FRMD4A: variants seen among roughly 807,000 people sequenced by gnomAD.
FRMD4A encodes the protein FERM domain containing 4A.
FRMD4A carries 29 observed loss-of-function variants against 129.1 expected under a neutral mutation model. The ratio of observed to expected loss-of-function variants is 0.22; its 90% CI spans 0.17 to 0.31. The LOEUF (loss-of-function observed/expected upper bound fraction) is 0.31, where lower values mean the gene tolerates loss of function less well. Among genes scored for constraint, FRMD4A ranks in the 10% least tolerant of loss-of-function variants. The probability of loss-of-function intolerance (pLI) is 1.00; values close to 1 mark genes in which losing one functional copy is unlikely to be tolerated. For synonymous variants in FRMD4A, 634 were observed against 571.6 expected, an observed-to-expected ratio of 1.11 and a Z score of -1.56; for missense variants, 1,272 against 1,375.8, an observed-to-expected ratio of 0.92 and a Z score of 1.19.
At chr10:13,855,451 T>G (rs1476095743) in intron 3 of FRMD4A, among the ~76,000 whole-genome samples, 1 of 152,154 alleles carries the variant, frequency 6.6e-6, no homozygotes, top group East Asian at 1.9e-4. Flanking sequence ...TCAGCCACCC[T>G]CATGCACACC....
intron 2 of FRMD4A, among the ~76,000 whole-genome samples, chr10:14,160,407 A>G (rs1351267292): frequency 6.6e-6 from 1 of 152,228 alleles, no homozygotes; most frequent in East Asian, 1.9e-4. Flanking sequence ...AGACCTCAAA[A>G]GCACAGGCAA....
chr10:13,826,178 C>T (rs576508986), intron 3 of FRMD4A, among the ~76,000 whole-genome samples: 13 of 152,344 alleles, frequency 8.5e-5, no homozygotes, highest in African/African-American at 3.1e-4. Flanking sequence ...TTCCCCCTTT[C>T]TTCTTAATCA....
At chr10:13,857,654 G>A (rs2094231942) in intron 3 of FRMD4A, among the ~76,000 whole-genome samples, 1 of 152,152 alleles carries the variant, frequency 6.6e-6, no homozygotes, top group Non-Finnish European at 1.5e-5. Context: ...TTTCCCCTTC[G>A]AAGTAGCATC....
chr10:13,767,088 C>A (rs192178135), intron 6 of FRMD4A, among the ~76,000 whole-genome samples: 1 of 151,932 alleles, frequency 6.6e-6, no homozygotes, highest in Non-Finnish European at 1.5e-5. Flanking sequence ...CAAAACGAAA[C>A]GAAACAAAAC....
chr10:13,918,837 T>C (rs1175168580), intron 2 of FRMD4A, among the ~76,000 whole-genome samples: 1 of 151,776 alleles, frequency 6.6e-6, no homozygotes, highest in African/African-American at 2.4e-5. Flanking sequence ...CAGTCAATAC[T>C]GTTATAAAAC....
intron 3 of FRMD4A, among the ~76,000 whole-genome samples, chr10:13,832,513 T>C (rs769843301): frequency 9.2e-5 from 14 of 152,318 alleles, no homozygotes; most frequent in Non-Finnish European, 1.8e-4. Flanking sequence ...GGATTCCGAC[T>C]TGATTGGTCT....
chr10:14,310,431 C>A (rs898839932), intron 2 of FRMD4A, among the ~76,000 whole-genome samples: 1 of 152,188 alleles, frequency 6.6e-6, no homozygotes, highest in African/African-American at 2.4e-5. Flanking sequence ...AATTTCTTTT[C>A]TAACAAAGAG....
rs2094589303 is a variant in FRMD4A at position 13,884,204 on chromosome 10, A to ACT, written c.46-25293_46-25292insAG. On this transcript the variant is annotated intron_variant, in intron 2 of 24. Coordinates refer to ENST00000357447, the MANE Select transcript of FRMD4A (RefSeq NM_018027.5). Reference sequence around the variant, plus strand: ...CACACACACACACACACTCACACACACACTCACACACACACACACACACAC... The same window carrying ACT: ...CACACACACACACACACTCACACACACTCACTCACACACACACACACACACAC... 1.0e-3 allele frequency among the ~76,000 whole-genome samples: 53 copies of ACT among 52,328 alleles called. 1 individual carries two copies. Among genetic ancestry groups the ACT allele is most frequent in the South Asian group, 5.4e-3 (6 of 1,104 alleles). 34.3% of individuals were successfully genotyped at this position (52,328 alleles called of 152,430 possible).
chr10:13,766,229 CCACAGGAAAGCA>C (rs2092283506), intron 6 of FRMD4A, among the ~76,000 whole-genome samples: 1 of 152,186 alleles, frequency 6.6e-6, no homozygotes, highest in Non-Finnish European at 1.5e-5. Context: ...CCAAAAATAT[CCACAGGAAAGCA>C]CCATCAAATA....
At chr10:13,817,275 C>A (rs1260722076) in intron 3 of FRMD4A, among the ~76,000 whole-genome samples, 2 of 152,188 alleles carry the variant, frequency 1.3e-5, no homozygotes, top group African/African-American at 4.8e-5. Context: ...TGCTTTGTGG[C>A]TCCAGGACCC....
chr10:14,188,569 A>G (rs1203714306), intron 2 of FRMD4A, among the ~76,000 whole-genome samples: 1 of 152,168 alleles, frequency 6.6e-6, no homozygotes, highest in African/African-American at 2.4e-5. Flanking sequence ...CCAAGACCCA[A>G]TGTCCATTAC....
intron 6 of FRMD4A, among the ~76,000 whole-genome samples, chr10:13,777,595 G>A (rs1053444455): frequency 6.6e-6 from 1 of 152,030 alleles, no homozygotes; most frequent in Non-Finnish European, 1.5e-5. Flanking sequence ...CTGCAAAGGT[G>A]TCATCACCTC....
At chr10:14,267,898 T>G (rs1845032226) in intron 2 of FRMD4A, among the ~76,000 whole-genome samples, 1 of 152,202 alleles carries the variant, frequency 6.6e-6, no homozygotes, top group Non-Finnish European at 1.5e-5. Flanking sequence ...TCTAAATCAC[T>G]GAACTACAAA....
rs1404059375 is a variant in FRMD4A at position 13,666,284 on chromosome 10, C to T, written c.1416G>A (p.Gln472=). ...LERLEREFAI[Q]SQITEAARRL... ...GGCGGGCGGCCTCCGTAATCTGGGA[C>T]TGAATGGCAAACTCTCGTTCCAGGC... The change falls in exon 18 of 25, where the codon CAG becomes CAA. Residue 472 remains glutamine (Q), a synonymous_variant. Transcript: ENST00000357447. 6 of 1,614,138 alleles carry T rather than the reference C, an allele frequency of 3.7e-6. No homozygotes were observed. In the South Asian group the frequency reaches 4.4e-5, roughly 12 times the overall value.
intron 2 of FRMD4A, among the ~76,000 whole-genome samples, chr10:13,868,088 A>C (rs981125609): frequency 1.3e-5 from 2 of 151,018 alleles, no homozygotes; most frequent in Non-Finnish European, 3.0e-5. Flanking sequence ...ACCCCATCTC[A>C]AAAATAAAAT....
chr10:14,102,074 G>A (rs773929509), intron 2 of FRMD4A, among the ~76,000 whole-genome samples: 2 of 152,266 alleles, frequency 1.3e-5, no homozygotes, highest in African/African-American at 2.4e-5. Context: ...TTGGGAAAAC[G>A]CAGGATGCAA....
Position 14,324,591 on chromosome 10 carries a change from TATCAC to T in FRMD4A, c.45+5462_45+5466del, listed in dbSNP as rs1291428914. 2.0e-5 allele frequency among the ~76,000 whole-genome samples: 3 copies of T among 152,330 alleles called. No homozygotes were observed. In the East Asian group the frequency reaches 5.8e-4, roughly 29 times the overall value. Reference sequence around the variant, plus strand: ...TCCAAATTTCCATAAAAGTTGTCAATATCACTTTTTTTCAAACATATGCATGAACC... The same window carrying T: ...TCCAAATTTCCATAAAAGTTGTCAATTTTTTTTCAAACATATGCATGAACC... On this transcript the variant is annotated intron_variant, in intron 2 of 24. Coordinates refer to ENST00000357447, the MANE Select transcript of FRMD4A (RefSeq NM_018027.5).
At chr10:13,798,290 T>C (rs2093168004) in intron 4 of FRMD4A, among the ~76,000 whole-genome samples, 1 of 152,090 alleles carries the variant, frequency 6.6e-6, no homozygotes, top group Admixed American at 6.5e-5. Flanking sequence ...CAGGTGCCTA[T>C]AATCCCAGCT....
At chr10:13,724,310 C>T (rs1478102640) in intron 12 of FRMD4A, among the ~76,000 whole-genome samples, 1 of 152,122 alleles carries the variant, frequency 6.6e-6, no homozygotes, top group Non-Finnish European at 1.5e-5. Context: ...ATGGTGTGAA[C>T]CCGGGAGGCG....
Sources: allele counts gnomAD v4.1 joint callset (sites outside exome capture counted in the v4.1 genomes callset), GRCh38; gene constraint gnomAD v4.1.1; transcripts MANE v1.5; gene names NCBI Gene and HGNC (gene_info 2026-07-23, HGNC 2026-07-21).